The following ATP6V0A4 variants were observed in gnomAD, a reference collection of about 807,000 sequenced individuals.
ATP6V0A4 encodes the protein V-type proton ATPase 116 kDa subunit a 4.
Under a neutral mutation model 107.3 loss-of-function variants are expected in ATP6V0A4, and 86 were observed. The ratio of observed to expected loss-of-function variants is 0.80; its 90% CI spans 0.67 to 0.96. ATP6V0A4 has a LOEUF of 0.96. ATP6V0A4 is among the 40% of genes least tolerant of loss of function. ATP6V0A4 has a pLI of 0.00. For missense variants in ATP6V0A4, 908 were observed against 1,045.6 expected (o/e 0.87, Z 1.81); for synonymous variants, 353 against 381.4 (o/e 0.93, Z 0.87).
intron 9 of ATP6V0A4, chr7:138,756,055 T>G (rs1238242890): frequency 1.7e-6 from 1 of 574,484 alleles, no homozygotes; most frequent in African/African-American, 1.9e-5. Context: ...GACTGCAAGC[T>G]GGGCTTGCCC....
Position 138,706,477 on chromosome 7 carries a change from G to T in ATP6V0A4, c.*147C>A. The T allele has an allele frequency of 2.0e-6, 2 of 990,024 alleles. No homozygotes were observed. Among genetic ancestry groups the T allele is most frequent in the Non-Finnish European group, 3.1e-6 (2 of 654,826 alleles). The allele number at this position is 990,024 out of a possible 1,614,324, so 61.3% of individuals were successfully genotyped here. A position where few individuals can be genotyped will look rare whatever the true frequency, so the allele number is the denominator to read the frequency against. On this transcript the variant is annotated 3_prime_UTR_variant, in exon 22 of 22. Coordinates refer to ENST00000310018, the MANE Select transcript of ATP6V0A4 (RefSeq NM_020632.3). ...TGGTTAAGTCGTATCAAATCCACAG[G>T]CTGACGTCCAAATAATACACAGTTT...
In ATP6V0A4 at chr7:138,762,450, C is replaced by T; in HGVS notation, c.418-16G>A. ...TGGTTTCCGTCTGAAAGTCAAAGCA[C>T]TATGATTTTCATTTAAATATATTTA... On this transcript the variant is annotated splice_polypyrimidine_tract_variant and intron_variant, in intron 6 of 21. Coordinates refer to ENST00000310018, the MANE Select transcript of ATP6V0A4 (RefSeq NM_020632.3). 1 of 1,613,946 alleles carries T rather than the reference C, an allele frequency of 6.2e-7. No homozygotes were observed.
intron 14 of ATP6V0A4, among the ~76,000 whole-genome samples, chr7:138,744,074 G>A (rs1014676865): frequency 6.6e-6 from 1 of 152,062 alleles, no homozygotes; most frequent in African/African-American, 2.4e-5. Flanking sequence ...AATCACTGTA[G>A]AATGCATAGG....
intron 19 of ATP6V0A4, among the ~76,000 whole-genome samples, chr7:138,719,643 G>A (rs138876174): frequency 1.6e-3 from 251 of 152,330 alleles, no homozygotes; most frequent in African/African-American, 5.3e-3. Flanking sequence ...GTGCCTCCAA[G>A]GACACAGCTC....
chr7:138,782,058 T>G (rs1054672883), intron 2 of ATP6V0A4, among the ~76,000 whole-genome samples: 6 of 152,058 alleles, frequency 3.9e-5, no homozygotes, highest in African/African-American at 1.4e-4. Context: ...CAGAATTGGG[T>G]GTATGAGTTT....
chr7:138,759,472 T>C (rs1391887863), intron 8 of ATP6V0A4, among the ~76,000 whole-genome samples: 1 of 152,070 alleles, frequency 6.6e-6, no homozygotes, highest in Non-Finnish European at 1.5e-5. Flanking sequence ...CCGCCTAGGA[T>C]AGTACTAGTA....
chr7:138,794,570 C>T lies in ATP6V0A4; in HGVS notation c.-121+3464G>A, dbSNP rs866926945. On this transcript the variant is annotated intron_variant, in intron 1 of 21. Transcript: ENST00000310018. ...ATCCCACTCTCTTGGCTACTCCTCT[C>T]TCCAACCACCACCATGGTGCCTAGC... Among the ~76,000 whole-genome samples the T allele has an allele frequency of 2.5e-4, 38 of 152,258 alleles. No homozygotes were observed. In the Middle Eastern group the frequency reaches 0.01, roughly 41 times the overall value.
At chr7:138,756,655 T>C in intron 8 of ATP6V0A4, 115 bp from the exon 9 acceptor site, 4 of 1,364,082 alleles carry the variant, frequency 2.9e-6, no homozygotes, top group Non-Finnish European at 4.0e-6. Context: ...CATTTAAAAC[T>C]GGGAAACTGT....
intron 2 of ATP6V0A4, among the ~76,000 whole-genome samples, chr7:138,784,241 T>TATACATATATATATAC (rs1563020784): frequency 7.6e-5 from 3 of 39,506 alleles, no homozygotes; most frequent in African/African-American, 1.5e-4. Flanking sequence ...TATACGTATA[T>TATACATATATATATAC]ATATATATAT....
At chr7:138,771,361 A>G (rs563235151) in intron 2 of ATP6V0A4, 97 bp from the exon 3 acceptor site, 160 of 1,375,538 alleles carry the variant, frequency 1.2e-4, no homozygotes, top group Non-Finnish European at 1.4e-4. Context: ...TCTAACAGGG[A>G]AAAAAAATCC....
Position 138,763,010 on chromosome 7 carries a change from G to GT in ATP6V0A4, c.306dup (p.Leu103ThrfsTer37). On this transcript the variant is annotated frameshift_variant, in exon 6 of 22. Transcript: ENST00000310018. LOFTEE classifies it high-confidence loss of function. ...TTGGCTTCCTGTAACTCTCCTTCCA[G>GT]TTTTTCTAGAACAGTCTATGCAGGA... 6.2e-7 allele frequency: 1 copy of GT among 1,613,996 alleles called. No homozygotes were observed. Among genetic ancestry groups the GT allele is most frequent in the Non-Finnish European group, 8.5e-7 (1 of 1,179,998 alleles).
At chr7:138,794,284 G>C (rs534393170) in intron 1 of ATP6V0A4, among the ~76,000 whole-genome samples, 2 of 152,318 alleles carry the variant, frequency 1.3e-5, no homozygotes, top group Middle Eastern at 6.8e-3. Flanking sequence ...CCTCTGAATA[G>C]ATTTTGGGTT....
chr7:138,770,842 A>T (rs1250193536), intron 3 of ATP6V0A4, among the ~76,000 whole-genome samples: 1 of 152,222 alleles, frequency 6.6e-6, no homozygotes, highest in Non-Finnish European at 1.5e-5. Flanking sequence ...AAGATGCTAC[A>T]TAAGAGAAAA....
intron 2 of ATP6V0A4, among the ~76,000 whole-genome samples, chr7:138,776,148 C>G (rs1164923247): frequency 6.6e-6 from 1 of 152,146 alleles, no homozygotes; most frequent in Non-Finnish European, 1.5e-5. Context: ...TCAGGTGATA[C>G]TTGTGCATGA....
At chr7:138,720,168 C>T (rs562069843) in intron 19 of ATP6V0A4, among the ~76,000 whole-genome samples, 27 of 152,258 alleles carry the variant, frequency 1.8e-4, no homozygotes, top group African/African-American at 4.1e-4. Context: ...CCCAAACTTG[C>T]GGCTGGGATC....
chr7:138,771,383 CT>C, intron 2 of ATP6V0A4, 119 bp from the exon 3 acceptor site: 2 of 1,149,516 alleles, frequency 1.7e-6, no homozygotes, highest in Non-Finnish European at 2.4e-6. Context: ...TTAGGAATCA[CT>C]TCTGATTTTA....
chr7:138,751,331 C>A (rs890227725), intron 11 of ATP6V0A4, among the ~76,000 whole-genome samples: 4 of 152,210 alleles, frequency 2.6e-5, no homozygotes, highest in Admixed American at 1.3e-4. Flanking sequence ...GCCCGCATGG[C>A]GTGCGGTGTC....
chr7:138,788,911 A>C (rs571922217), intron 1 of ATP6V0A4, among the ~76,000 whole-genome samples: 1 of 152,282 alleles, frequency 6.6e-6, no homozygotes, highest in East Asian at 1.9e-4. Context: ...GAGTTCAGTA[A>C]ACCTCTTTTC....
chr7:138,756,770 G>A (rs1053120512), intron 8 of ATP6V0A4, among the ~76,000 whole-genome samples: 5 of 152,140 alleles, frequency 3.3e-5, no homozygotes, highest in African/African-American at 4.8e-5. Flanking sequence ...CCCTGTTCCC[G>A]ATGCTGGTTG....
Sources: allele counts gnomAD v4.1 joint callset (sites outside exome capture counted in the v4.1 genomes callset), GRCh38; gene constraint gnomAD v4.1.1; transcripts MANE v1.5; gene names NCBI Gene and HGNC (gene_info 2026-07-23, HGNC 2026-07-21).